KHDC1: variants seen among roughly 807,000 people sequenced by gnomAD.
KHDC1 encodes KH domain containing 1.
A neutral mutation model predicts 24.7 loss-of-function variants in KHDC1; 21 were observed. That is an observed-to-expected ratio of 0.85 (90% CI 0.60 to 1.23). The LOEUF (loss-of-function observed/expected upper bound fraction) is 1.23, where lower values mean the gene tolerates loss of function less well. KHDC1 is among the 50% of genes most tolerant of loss of function. KHDC1 has a pLI of 0.00. For missense variants in KHDC1, 274 were observed against 298.5 expected (o/e 0.92, Z 0.61); for synonymous variants, 98 against 111.7 (o/e 0.88, Z 0.77).
intron 1 of KHDC1, among the ~76,000 whole-genome samples, chr6:73,307,297 G>A (rs371093678): frequency 2.0e-5 from 3 of 151,730 alleles, no homozygotes; most frequent in African/African-American, 4.8e-5. Flanking sequence ...GCGTGATGCC[G>A]GGCGCCTGTA....
In KHDC1 at chr6:73,285,329, CTCT is replaced by C. The variant is rs1219466722; in HGVS notation, c.206+6666_206+6668del. ...TATGCCTTATTCATGCTTATCATGA[CTCT>C]TCTTTTTTTTTTTTTTTAAGATGGA... On this transcript the variant is annotated intron_variant, in intron 2 of 4. Transcript: ENST00000370384. Among the ~76,000 whole-genome samples, 9 of 151,406 alleles carry C rather than the reference CTCT, an allele frequency of 5.9e-5. No individual in the cohort carries two copies. The East Asian group carries it at 1.6e-3, about 26-fold the overall frequency.
chr6:73,281,477 C>T (rs764212928), intron 2 of KHDC1, among the ~76,000 whole-genome samples: 1 of 151,856 alleles, frequency 6.6e-6, no homozygotes, highest in Non-Finnish European at 1.5e-5. Context: ...ATCAGCCAGG[C>T]GTGGTGATGG....
intron 2 of KHDC1, among the ~76,000 whole-genome samples, chr6:73,253,272 C>A (rs1397817009): frequency 1.3e-5 from 2 of 152,062 alleles, no homozygotes; most frequent in African/African-American, 2.4e-5. Context: ...AACAGGTTAA[C>A]CTGCCGGGTA....
intron 1 of KHDC1, chr6:73,292,448 A>T (rs1767673302): frequency 2.6e-6 from 2 of 773,950 alleles, no homozygotes; most frequent in Admixed American, 3.4e-5. Context: ...AGCAACAGAC[A>T]GAAATGCTGT....
At chr6:73,299,878 G>A (rs1672700816) in intron 1 of KHDC1, 1 of 152,394 alleles carries the variant, frequency 6.6e-6, no homozygotes, top group Admixed American at 6.5e-5. Context: ...GGGGTAAGGA[G>A]GGGATTCTTT....
At chr6:73,277,225 G>A (rs1462590956) in intron 2 of KHDC1, among the ~76,000 whole-genome samples, 2 of 152,170 alleles carry the variant, frequency 1.3e-5, no homozygotes, top group Non-Finnish European at 2.9e-5. Flanking sequence ...TCAAGACTGG[G>A]AAGTGGAGGC....
chr6:73,255,580 G>A (rs1766866219), intron 2 of KHDC1, among the ~76,000 whole-genome samples: 1 of 148,302 alleles, frequency 6.7e-6, no homozygotes, highest in African/African-American at 2.5e-5. Context: ...GCATCCTTCA[G>A]TGGGATCATT....
chr6:73,298,610 ATT>A (rs1767806675), intron 1 of KHDC1, among the ~76,000 whole-genome samples: 1 of 151,102 alleles, frequency 6.6e-6, no homozygotes, highest in African/African-American at 2.4e-5. Flanking sequence ...TAATTTTTGT[ATT>A]TTTAGTACAG....
intron 2 of KHDC1, among the ~76,000 whole-genome samples, chr6:73,259,904 A>T (rs1297818314): frequency 6.6e-6 from 1 of 152,224 alleles, no homozygotes; most frequent in Non-Finnish European, 1.5e-5. Flanking sequence ...CTTTCTTTTT[A>T]ACCAATTATC....
At chr6:73,281,264 G>C (rs1767401560) in intron 2 of KHDC1, among the ~76,000 whole-genome samples, 1 of 150,108 alleles carries the variant, frequency 6.7e-6, no homozygotes, top group Admixed American at 6.6e-5. Flanking sequence ...ACTTGAACCT[G>C]GGAGGCAGAG....
At chr6:73,276,866 T>C (rs562152605) in intron 2 of KHDC1, among the ~76,000 whole-genome samples, 1 of 152,336 alleles carries the variant, frequency 6.6e-6, no homozygotes, top group East Asian at 1.9e-4. Context: ...AAATGAGTTA[T>C]AATAAAAAAT....
At chr6:73,263,314 C>T in intron 2 of KHDC1, 118 bp from the exon 1 acceptor site, 4 of 982,598 alleles carry the variant, frequency 4.1e-6, no homozygotes, top group Non-Finnish European at 4.8e-6. Context: ...GCAGAGAGCC[C>T]AGCAGCTCTT....
chr6:73,261,821 A>C (rs1226870644), intron 2 of KHDC1, among the ~76,000 whole-genome samples: 2 of 151,810 alleles, frequency 1.3e-5, no homozygotes, highest in Non-Finnish European at 2.9e-5. Context: ...CTGAGGCAGG[A>C]GAATCACTTG....
At chr6:73,279,934 G>T (rs1767374069) in intron 2 of KHDC1, among the ~76,000 whole-genome samples, 1 of 151,912 alleles carries the variant, frequency 6.6e-6, no homozygotes. Flanking sequence ...TTTCTATTTT[G>T]TTATTTTGTA....
chr6:73,293,179 A>T (rs1166477033), intron 1 of KHDC1: 2 of 724,866 alleles, frequency 2.8e-6, no homozygotes, highest in Non-Finnish European at 5.1e-6. Flanking sequence ...CCTTTCTTTT[A>T]GAAGCTAGAT....
chr6:73,242,091 A>T, exon 4 of KHDC1: 1 of 1,613,996 alleles, frequency 6.2e-7, no homozygotes. Context: ...CTCCCCACAC[A>T]ACAAAACATG....
intron 2 of KHDC1, among the ~76,000 whole-genome samples, chr6:73,262,143 C>T (rs1458056338): frequency 1.3e-5 from 2 of 151,862 alleles, no homozygotes; most frequent in South Asian, 2.1e-4. Context: ...TTGCCACTTA[C>T]GGTGTAACCT....
intron 2 of KHDC1, among the ~76,000 whole-genome samples, chr6:73,246,976 T>C (rs971219137): frequency 1.1e-4 from 16 of 152,140 alleles, no homozygotes; most frequent in African/African-American, 3.9e-4. Flanking sequence ...AAGTCAACTT[T>C]TTTTTTTCTG....
chr6:73,270,185 A>G (rs1230200010), intron 2 of KHDC1: 7 of 152,184 alleles, frequency 4.6e-5, no homozygotes, highest in Non-Finnish European at 8.8e-5. Flanking sequence ...TTTATTAAAT[A>G]TTAAATTTCT....
Sources: gnomAD v4.1 joint callset for allele counts (sites outside exome capture counted in the v4.1 genomes callset) on GRCh38, gnomAD v4.1.1 for gene constraint, MANE v1.5 for transcripts, NCBI Gene and HGNC (gene_info 2026-07-23, HGNC 2026-07-21) for gene names.